TPST2: variants seen among roughly 807,000 people sequenced by gnomAD.
The protein encoded by TPST2 is protein-tyrosine sulfotransferase 2.
A neutral mutation model predicts 27.8 loss-of-function variants in TPST2; 16 were observed. The ratio of observed to expected loss-of-function variants is 0.58; its 90% confidence interval spans 0.39 to 0.88. The LOEUF is 0.88. Among genes scored for constraint, TPST2 ranks in the 40% least tolerant of loss-of-function variants. The pLI, the probability that TPST2 is intolerant of heterozygous loss-of-function variation, is 0.00. For missense variants in TPST2, 464 were observed against 543.1 expected (o/e 0.85, Z 1.45); for synonymous variants, 229 against 231.7 (o/e 0.99, Z 0.10).
At chr22:26,528,560 C>T (rs1924970336) in intron 5 of TPST2, among the ~76,000 whole-genome samples, 1 of 152,170 alleles carries the variant, frequency 6.6e-6, no homozygotes, top group Non-Finnish European at 1.5e-5. Context: ...ATCTGTGCTA[C>T]TTCAAAAACG....
chr22:26,550,252 A>AC (rs1926396716), intron 1 of TPST2, among the ~76,000 whole-genome samples: 1 of 152,184 alleles, frequency 6.6e-6, no homozygotes, highest in Non-Finnish European at 1.5e-5. Flanking sequence ...ATCAAGGGCA[A>AC]CAGACAAAGG....
chr22:26,570,276 C>T (rs369751853), intron 1 of TPST2, among the ~76,000 whole-genome samples: 4 of 152,122 alleles, frequency 2.6e-5, no homozygotes, highest in South Asian at 4.1e-4. Context: ...CAGGGCTAGT[C>T]GGTCCTGGGC....
At chr22:26,566,840 C>T (rs968288826) in intron 1 of TPST2, among the ~76,000 whole-genome samples, 6 of 152,196 alleles carry the variant, frequency 3.9e-5, no homozygotes, top group African/African-American at 7.2e-5. Context: ...TCTCTTCCCC[C>T]GCTCATATCG....
chr22:26,544,491 G>C (rs1256629345), intron 2 of TPST2, 113 bp downstream of exon 2: 3 of 441,686 alleles, frequency 6.8e-6, no homozygotes, highest in African/African-American at 6.4e-5. Context: ...AACCAGCCAG[G>C]GGAGTTTGCC....
At chr22:26,552,529 C>G (rs544250228) in intron 1 of TPST2, among the ~76,000 whole-genome samples, 1 of 152,208 alleles carries the variant, frequency 6.6e-6, no homozygotes, top group East Asian at 1.9e-4. Context: ...TTCGACGACC[C>G]TGCTTTATCA....
At chr22:26,560,871 G>C in intron 1 of TPST2, 1 of 1,595,364 alleles carries the variant, frequency 6.3e-7, no homozygotes, top group East Asian at 2.2e-5. Context: ...AATCAAAGGA[G>C]AACATCCTGG....
At chr22:26,566,951 T>C (rs1927406778) in intron 1 of TPST2, among the ~76,000 whole-genome samples, 1 of 152,150 alleles carries the variant, frequency 6.6e-6, no homozygotes, top group Non-Finnish European at 1.5e-5. Context: ...TCCCATGCAT[T>C]GTAGGATGTT....
chr22:26,549,878 A>T (rs1349653281), intron 1 of TPST2, among the ~76,000 whole-genome samples: 1 of 149,094 alleles, frequency 6.7e-6, no homozygotes, highest in African/African-American at 2.5e-5. Flanking sequence ...AAAAAAAAAA[A>T]AAAAAAAAAA....
At chr22:26,556,341 C>T (rs1347769993) in intron 1 of TPST2, among the ~76,000 whole-genome samples, 3 of 152,068 alleles carry the variant, frequency 2.0e-5, no homozygotes, top group Non-Finnish European at 4.4e-5. Context: ...GAGTTCAAGA[C>T]CAGCCTGGCC....
intron 1 of TPST2, among the ~76,000 whole-genome samples, chr22:26,570,032 A>G (rs919805396): frequency 7.3e-6 from 1 of 136,948 alleles, no homozygotes; most frequent in East Asian, 2.0e-4. Context: ...AGAAAGAAAG[A>G]AAGAAAGAAA....
intron 1 of TPST2, among the ~76,000 whole-genome samples, chr22:26,551,277 T>G (rs1926454857): frequency 6.6e-6 from 1 of 152,120 alleles, no homozygotes; most frequent in Non-Finnish European, 1.5e-5. Flanking sequence ...CAGGGAGAGA[T>G]TCTGCCTAAA....
chr22:26,561,923 C>G (rs1282109453), intron 1 of TPST2, among the ~76,000 whole-genome samples: 1 of 152,204 alleles, frequency 6.6e-6, no homozygotes, highest in Non-Finnish European at 1.5e-5. Context: ...CTCGCAGGCT[C>G]CAAATCCCTG....
At chr22:26,572,390 G>A (rs1200294356) in intron 1 of TPST2, among the ~76,000 whole-genome samples, 1 of 152,126 alleles carries the variant, frequency 6.6e-6, no homozygotes, top group African/African-American at 2.4e-5. Context: ...GAGCCGAGAT[G>A]GAGACACAAA....
At chr22:26,550,490 G>C in intron 1 of TPST2, 1 of 688,152 alleles carries the variant, frequency 1.5e-6, no homozygotes, top group Non-Finnish European at 1.8e-6. Flanking sequence ...AAGCTCAGCA[G>C]ATCAGGAGGT....
At chr22:26,557,969 C>A (rs1239887306) in intron 1 of TPST2, among the ~76,000 whole-genome samples, 1 of 150,678 alleles carries the variant, frequency 6.6e-6, no homozygotes, top group Non-Finnish European at 1.5e-5. Context: ...ATCACTTGAG[C>A]CCAGGAGGTC....
intron 3 of TPST2, among the ~76,000 whole-genome samples, chr22:26,538,710 T>A (rs1442213358): frequency 6.6e-6 from 1 of 152,046 alleles, no homozygotes; most frequent in Non-Finnish European, 1.5e-5. Flanking sequence ...TAATCCCAGC[T>A]ATTTGGGAGG....
intron 1 of TPST2, among the ~76,000 whole-genome samples, chr22:26,587,635 C>T (rs943861934): frequency 7.9e-5 from 12 of 152,064 alleles, no homozygotes; most frequent in African/African-American, 2.4e-4. Flanking sequence ...CCTCCGTGCC[C>T]GGCCTGAAAA....
intron 1 of TPST2, among the ~76,000 whole-genome samples, chr22:26,558,796 C>T (rs1311793625): frequency 6.6e-6 from 1 of 152,126 alleles, no homozygotes; most frequent in Non-Finnish European, 1.5e-5. Flanking sequence ...AACTCAGTAA[C>T]CAAGATCAAT....
At chr22:26,537,243 G>A (rs1925519174) in intron 3 of TPST2, among the ~76,000 whole-genome samples, 1 of 152,146 alleles carries the variant, frequency 6.6e-6, no homozygotes, top group African/African-American at 2.4e-5. Flanking sequence ...TTCTTGTAGA[G>A]TAGTTAAGAG....
Sources: gnomAD v4.1 joint callset for allele counts (sites outside exome capture counted in the v4.1 genomes callset) on GRCh38, gnomAD v4.1.1 for gene constraint, MANE v1.5 for transcripts, NCBI Gene and HGNC (gene_info 2026-07-23, HGNC 2026-07-21) for gene names.